LRMDA: variants seen among roughly 807,000 people sequenced by gnomAD.
LRMDA encodes leucine rich melanocyte differentiation associated.
In LRMDA, 18 loss-of-function variants were observed where a neutral mutation model predicts 29.8. The ratio of observed to expected loss-of-function variants is 0.60; its 90% confidence interval spans 0.42 to 0.90. The LOEUF is 0.90. Among genes scored for constraint, LRMDA ranks in the 40% least tolerant of loss-of-function variants. The pLI is 0.00. For missense variants in LRMDA, 273 were observed against 273.9 expected (o/e 1.00, Z 0.02); for synonymous variants, 125 against 109.4 (o/e 1.14, Z -0.89).
chr10:76,460,837 C>T (rs774642660), intron 6 of LRMDA, among the ~76,000 whole-genome samples: 1 of 152,130 alleles, frequency 6.6e-6, no homozygotes, highest in African/African-American at 2.4e-5. Context: ...TCTCCTCTTC[C>T]CTCCATAGGG....
intron 5 of LRMDA, among the ~76,000 whole-genome samples, chr10:76,320,170 G>A (rs952835489): frequency 1.3e-5 from 2 of 152,184 alleles, no homozygotes; most frequent in East Asian, 1.9e-4. Flanking sequence ...TTTTCCAAGC[G>A]GGTTGCCAAA....
intron 2 of LRMDA, among the ~76,000 whole-genome samples, chr10:75,801,910 T>G (rs1461462782): frequency 6.6e-6 from 1 of 152,176 alleles, no homozygotes; most frequent in Non-Finnish European, 1.5e-5. Flanking sequence ...AATGATTTGT[T>G]GAGAGCTTCG....
intron 6 of LRMDA, among the ~76,000 whole-genome samples, chr10:76,447,884 C>G (rs941848124): frequency 2.0e-5 from 3 of 152,100 alleles, no homozygotes; most frequent in Non-Finnish European, 2.9e-5. Context: ...TGTTTCAGTA[C>G]TTTTCCAGTG....
intron 2 of LRMDA, among the ~76,000 whole-genome samples, chr10:75,812,544 A>C (rs957075485): frequency 3.9e-5 from 6 of 152,206 alleles, no homozygotes; most frequent in Non-Finnish European, 8.8e-5. Context: ...TTCTGGGGCA[A>C]TTCTGAACGT....
At chr10:76,548,606 C>A (rs893875159) in intron 6 of LRMDA, among the ~76,000 whole-genome samples, 5 of 152,050 alleles carry the variant, frequency 3.3e-5, no homozygotes, top group African/African-American at 4.8e-5. Context: ...TAATACATTT[C>A]TGTTTGATTG....
chr10:76,485,049 A>T (rs1001236219), intron 6 of LRMDA, among the ~76,000 whole-genome samples: 10 of 151,876 alleles, frequency 6.6e-5, no homozygotes, highest in Non-Finnish European at 2.9e-5. Context: ...GTTTTTCTAT[A>T]GACCACATGT....
At chr10:76,507,575 T>G (rs965154788) in intron 6 of LRMDA, among the ~76,000 whole-genome samples, 12 of 152,152 alleles carry the variant, frequency 7.9e-5, no homozygotes, top group Admixed American at 2.0e-4. Context: ...TTGCTAAGAT[T>G]GTTATCCTAA....
chr10:75,776,999 T>C (rs1246605905), intron 2 of LRMDA, among the ~76,000 whole-genome samples: 1 of 152,248 alleles, frequency 6.6e-6, no homozygotes. Flanking sequence ...GCATTGCCCA[T>C]GAGGGCTGCA....
chr10:75,969,089 AG>A (rs1184243661), intron 2 of LRMDA, among the ~76,000 whole-genome samples: 1 of 152,204 alleles, frequency 6.6e-6, no homozygotes, highest in Non-Finnish European at 1.5e-5. Context: ...GGCTGTTGCA[AG>A]AAAGGACTTG....
intron 5 of LRMDA, among the ~76,000 whole-genome samples, chr10:76,275,435 A>G (rs1005631504): frequency 1.3e-5 from 2 of 151,968 alleles, no homozygotes; most frequent in Admixed American, 1.3e-4. Context: ...ATGTTTGAAT[A>G]TATTTTCTGT....
chr10:75,805,795 G>A (rs891309483), intron 2 of LRMDA, among the ~76,000 whole-genome samples: 21 of 152,160 alleles, frequency 1.4e-4, no homozygotes, highest in Non-Finnish European at 2.9e-4. Flanking sequence ...TTGAGTTCCC[G>A]TTTTCATCAT....
intron 2 of LRMDA, among the ~76,000 whole-genome samples, chr10:75,735,754 C>A (rs1842754132): frequency 6.6e-6 from 1 of 152,154 alleles, no homozygotes; most frequent in Non-Finnish European, 1.5e-5. Flanking sequence ...AGTCAGCAGA[C>A]AACAGAAGCC....
At chr10:75,657,669 GA>G (rs1260816039) in intron 2 of LRMDA, among the ~76,000 whole-genome samples, 21 of 152,130 alleles carry the variant, frequency 1.4e-4, no homozygotes, top group Admixed American at 1.3e-4. Flanking sequence ...TTGAATAGAG[GA>G]GGCATATAGT....
intron 2 of LRMDA, among the ~76,000 whole-genome samples, chr10:75,967,018 A>G (rs575187775): frequency 6.6e-6 from 1 of 152,344 alleles, no homozygotes; most frequent in East Asian, 1.9e-4. Context: ...CAGATCAGGC[A>G]TATGGTAGGG....
intron 2 of LRMDA, among the ~76,000 whole-genome samples, chr10:75,911,259 G>A (rs1346282526): frequency 2.6e-5 from 4 of 152,044 alleles, no homozygotes; most frequent in Non-Finnish European, 5.9e-5. Context: ...TATGTCTAAT[G>A]TAGGCTGGGC....
chr10:76,308,750 G>C (rs1840592177), intron 5 of LRMDA, among the ~76,000 whole-genome samples: 1 of 152,170 alleles, frequency 6.6e-6, no homozygotes, highest in Non-Finnish European at 1.5e-5. Flanking sequence ...GTCTGAATCT[G>C]AAAGTGACGG....
chr10:76,138,451 C>A (rs1041460916), intron 5 of LRMDA, among the ~76,000 whole-genome samples: 1 of 152,166 alleles, frequency 6.6e-6, no homozygotes, highest in South Asian at 2.1e-4. Flanking sequence ...CTACTCCCCC[C>A]ATTTGCTTGC....
chr10:76,248,360 C>A (rs979214314), intron 5 of LRMDA, among the ~76,000 whole-genome samples: 15 of 152,182 alleles, frequency 9.9e-5, no homozygotes, highest in Admixed American at 1.3e-4. Flanking sequence ...TCAGGTTTTA[C>A]AGAGTTCCTT....
intron 5 of LRMDA, among the ~76,000 whole-genome samples, chr10:76,283,477 G>A (rs1840232332): frequency 6.6e-6 from 1 of 152,126 alleles, no homozygotes; most frequent in African/African-American, 2.4e-5. Context: ...GGAAGTTCTG[G>A]AAATTTCAGT....
Sources: gnomAD v4.1 joint callset for allele counts (sites outside exome capture counted in the v4.1 genomes callset) on GRCh38, gnomAD v4.1.1 for gene constraint, MANE v1.5 for transcripts, NCBI Gene and HGNC (gene_info 2026-07-23, HGNC 2026-07-21) for gene names.